TRAM2: variants seen among roughly 807,000 people sequenced by gnomAD.
The protein encoded by TRAM2 is translocation associated membrane protein 2.
A neutral mutation model predicts 51.0 loss-of-function variants in TRAM2; 12 were observed. The observed-to-expected ratio is 0.24, with a 90% confidence interval of 0.15 to 0.38. TRAM2 has a LOEUF of 0.38. TRAM2 is among the 10% of genes least tolerant of loss of function. The probability of loss-of-function intolerance (pLI) is 1.00; values close to 1 mark genes in which losing one functional copy is unlikely to be tolerated. For synonymous variants in TRAM2, 175 were observed against 179.4 expected (o/e 0.98, Z 0.20); for missense variants, 361 against 462.0 (o/e 0.78, Z 2.00).
At position 52,500,502 on chromosome 6, in the gene TRAM2, C is replaced by T. The variant is rs887129158; in HGVS notation, c.*2695G>A. 6.6e-6 allele frequency: 1 copy of T among 151,160 alleles called. No homozygotes were observed. Among genetic ancestry groups the T allele is most frequent in the Non-Finnish European group, 1.5e-5 (1 of 67,882 alleles). 9.4% of individuals were successfully genotyped at this position (151,160 alleles called of 1,614,324 possible). ...GCCCAGGCTGGCAAGATGCCAGCCC[C>T]ACTCATGGTCTCAGGGTTTTTTTTT... On this transcript the variant is annotated 3_prime_UTR_variant, in exon 11 of 11. Transcript: ENST00000182527.
In TRAM2 at chr6:52,503,125, G is replaced by C; in HGVS notation, c.*72C>G. 1.6e-6 allele frequency: 2 copies of C among 1,281,702 alleles called. No individual in the cohort carries two copies. The highest frequency in any genetic ancestry group is 2.4e-5 in the South Asian group (2 of 84,368). 79.4% of individuals were successfully genotyped at this position (1,281,702 alleles called of 1,614,324 possible). On this transcript the variant is annotated 3_prime_UTR_variant, in exon 11 of 11. Transcript: ENST00000182527. ...CATCACAGGCAGGAAGGAGGAGGCA[G>C]GGAGGGGGCCTGGGCTCCTTGCCCC...
At chr6:52,551,497 G>C (rs1266262566) in intron 1 of TRAM2, among the ~76,000 whole-genome samples, 1 of 152,198 alleles carries the variant, frequency 6.6e-6, no homozygotes, top group African/African-American at 2.4e-5. Context: ...ATGCAGGGGA[G>C]GGTGAATGAG....
At chr6:52,541,374 C>T (rs1439472202) in intron 1 of TRAM2, among the ~76,000 whole-genome samples, 1 of 152,164 alleles carries the variant, frequency 6.6e-6, no homozygotes, top group Non-Finnish European at 1.5e-5. Flanking sequence ...CAGATAAGCA[C>T]GGGAAGGATA....
chr6:52,576,717 C>G (rs1014195725), intron 1 of TRAM2, 79 bp downstream of exon 1: 69 of 1,543,792 alleles, frequency 4.5e-5, no homozygotes, highest in Non-Finnish European at 5.9e-5. Flanking sequence ...GAGGAGGGCC[C>G]GCTGACCTGC....
chr6:52,572,371 A>C (rs1481208789), intron 1 of TRAM2, among the ~76,000 whole-genome samples: 3 of 152,254 alleles, frequency 2.0e-5, no homozygotes, highest in African/African-American at 7.2e-5. Context: ...TGGGAGGCCA[A>C]GGTGGGCGGA....
intron 10 of TRAM2, among the ~76,000 whole-genome samples, chr6:52,503,558 C>A (rs1173115442): frequency 1.3e-5 from 2 of 152,166 alleles, no homozygotes; most frequent in Non-Finnish European, 2.9e-5. Context: ...AGTAACTCAG[C>A]AACAACAGAG....
At position 52,522,473 on chromosome 6, in the gene TRAM2, C is replaced by T. The variant is rs899314433; in HGVS notation, c.185-5736G>A. Among the ~76,000 whole-genome samples, 10 of 152,386 alleles carry T rather than the reference C, an allele frequency of 6.6e-5. 1 individual carries two copies. The South Asian group carries it at 2.1e-3, about 32-fold the overall frequency. ...AAACACTGCATGGGCCAACACCAGA[C>T]TGGCCAAAGAAAACACATCTGTAGG... On this transcript the variant is annotated intron_variant, in intron 2 of 10. Coordinates refer to ENST00000182527, the MANE Select transcript of TRAM2 (RefSeq NM_012288.4).
chr6:52,506,274 T>A, intron 7 of TRAM2, 138 bp from the exon 8 acceptor site: 2 of 742,350 alleles, frequency 2.7e-6, no homozygotes, highest in Non-Finnish European at 4.5e-6. Flanking sequence ...CTGGCTCTGC[T>A]CCATCCTTTG....
chr6:52,515,754 A>G, intron 4 of TRAM2: 1 of 457,314 alleles, frequency 2.2e-6, no homozygotes. Flanking sequence ...TTGCATAATG[A>G]TTATAACAAG....
chr6:52,542,598 C>A (rs187548173), intron 1 of TRAM2, among the ~76,000 whole-genome samples: 3 of 152,226 alleles, frequency 2.0e-5, no homozygotes, highest in Admixed American at 2.0e-4. Context: ...TGCCTTGATA[C>A]AAAAATCAGG....
Position 52,506,092 on chromosome 6 carries a change from G to T in TRAM2, c.671C>A (p.Thr224Asn), listed in dbSNP as rs2114060578. 1 of 1,614,184 alleles carries T rather than the reference G, an allele frequency of 6.2e-7. No individual in the cohort carries two copies. The highest frequency in any genetic ancestry group is 2.2e-5 in the East Asian group (1 of 44,882). The change falls in exon 8 of 11, where the codon ACT becomes AAT. Residue 224 changes from threonine (T) to asparagine (N), a missense_variant. Thr to Asn is a moderately conservative substitution (Grantham distance 65, BLOSUM62 0). Coordinates refer to ENST00000182527, the MANE Select transcript of TRAM2 (RefSeq NM_012288.4). ...TCTAGCCGTGTGGAAGAGGAACTCA[G>T]TTGAGTACTGCAGCAGCAGCAAGAT... ...GLILLLLQYS[T>N]EFLFHTARLF...
chr6:52,515,813 C>G (rs1766536981), intron 4 of TRAM2, 193 bp downstream of exon 4: 1 of 574,716 alleles, frequency 1.7e-6, no homozygotes, highest in African/African-American at 1.9e-5. Flanking sequence ...AATGGCATCT[C>G]TCTGTAATAC....
Position 52,576,956 on chromosome 6 carries a change from G to C in TRAM2, c.-41C>G. 3 of 1,565,886 alleles carry C rather than the reference G, an allele frequency of 1.9e-6. No individual in the cohort carries two copies. The highest frequency in any genetic ancestry group is 2.6e-6 in the Non-Finnish European group (3 of 1,158,818). ...GCGGCCGGCGGGGCCCGCACCCTGC[G>C]CTCACGAACCGCAGCGCAAACTTCT... On this transcript the variant is annotated 5_prime_UTR_variant, in exon 1 of 11. Transcript: ENST00000182527.
At chr6:52,561,492 T>C (rs967376859) in intron 1 of TRAM2, among the ~76,000 whole-genome samples, 1 of 146,046 alleles carries the variant, frequency 6.8e-6, no homozygotes, top group Non-Finnish European at 1.5e-5. Flanking sequence ...TTTTTCTTTT[T>C]TTTTTTTTTT....
chr6:52,513,531 A>G (rs1766489946), intron 4 of TRAM2, among the ~76,000 whole-genome samples: 2 of 152,100 alleles, frequency 1.3e-5, no homozygotes, highest in East Asian at 1.9e-4. Context: ...AGAAAATGCA[A>G]ATTGGTGGGG....
At chr6:52,521,161 T>G (rs1168790604) in intron 2 of TRAM2, among the ~76,000 whole-genome samples, 1 of 151,850 alleles carries the variant, frequency 6.6e-6, no homozygotes, top group Non-Finnish European at 1.5e-5. Context: ...CCACCTGCCT[T>G]GGCTTCCCAA....
At chr6:52,563,449 G>A (rs1022163172) in intron 1 of TRAM2, among the ~76,000 whole-genome samples, 3 of 151,718 alleles carry the variant, frequency 2.0e-5, no homozygotes, top group African/African-American at 4.8e-5. Flanking sequence ...GCCGGGCGTG[G>A]TGGCTCACAT....
rs201682217 is a variant in TRAM2, at chr6:52,503,185, A to G, written c.*12T>C. ...CCCCACCAAGAGGATTCCTGTTCTTAGCACTTTGGCCTTAGGGAGACTTGA... is the reference window on the plus strand; with the variant it reads ...CCCCACCAAGAGGATTCCTGTTCTTGGCACTTTGGCCTTAGGGAGACTTGA... On this transcript the variant is annotated 3_prime_UTR_variant, in exon 11 of 11. Transcript: ENST00000182527. The G allele has an allele frequency of 3.4e-5, 55 of 1,611,700 alleles. No individual in the cohort carries two copies. The highest frequency in any genetic ancestry group is 1.7e-4 in the Admixed American group (10 of 59,948).
chr6:52,538,310 A>G (rs562792294), intron 1 of TRAM2, among the ~76,000 whole-genome samples: 1 of 152,222 alleles, frequency 6.6e-6, no homozygotes, highest in East Asian at 1.9e-4. Flanking sequence ...TCTGCCATCC[A>G]TTCTCCTCTC....
Sources: gnomAD v4.1 joint callset for allele counts (sites outside exome capture counted in the v4.1 genomes callset) on GRCh38, gnomAD v4.1.1 for gene constraint, MANE v1.5 for transcripts, NCBI Gene and HGNC (gene_info 2026-07-23, HGNC 2026-07-21) for gene names.